Variants in CPS1 observed in about 807,000 individuals in gnomAD.
The protein encoded by CPS1 is carbamoyl-phosphate synthase 1, also known as carbamoyl-phosphate synthase [ammonia], mitochondrial.
In CPS1, 109 loss-of-function variants were observed where a neutral mutation model predicts 174.6. The ratio of observed to expected loss-of-function variants is 0.62; its 90% confidence interval spans 0.53 to 0.73. The LOEUF (loss-of-function observed/expected upper bound fraction) is 0.73, where lower values mean the gene tolerates loss of function less well. Ranked by LOEUF, CPS1 falls within the 30% of genes least tolerant of loss-of-function variation. CPS1 has a pLI of 0.00. For synonymous variants in CPS1, 637 were observed against 632.0 expected (o/e 1.01, Z -0.12); for missense variants, 1,689 against 1,821.9 (o/e 0.93, Z 1.33).
chr2:210,515,383 G>A (rs536915399), intron 1 of CPS1, among the ~76,000 whole-genome samples: 64 of 151,512 alleles, frequency 4.2e-4, no homozygotes, highest in Non-Finnish European at 8.1e-4. Flanking sequence ...TTTGGAACTT[G>A]ATATTGGTCT....
At chr2:210,615,105 G>A (rs1699261096) in intron 20 of CPS1, among the ~76,000 whole-genome samples, 1 of 151,788 alleles carries the variant, frequency 6.6e-6, no homozygotes, top group East Asian at 1.9e-4. Context: ...ATGACTACAG[G>A]ATTCTAGGCC....
intron 1 of CPS1, among the ~76,000 whole-genome samples, chr2:210,497,062 A>T (rs1490558967): frequency 2.0e-5 from 3 of 152,184 alleles, no homozygotes; most frequent in Admixed American, 1.3e-4. Context: ...TAAGCTCAGC[A>T]AACTTTGTGT....
intron 1 of CPS1, among the ~76,000 whole-genome samples, chr2:210,478,988 C>T (rs1574453470): frequency 7.0e-6 from 1 of 141,968 alleles, no homozygotes; most frequent in African/African-American, 2.6e-5. Flanking sequence ...TCCTTTTTGT[C>T]AGAGAACCAA....
intron 6 of CPS1, among the ~76,000 whole-genome samples, chr2:210,585,255 T>C (rs950890459): frequency 5.3e-5 from 8 of 152,002 alleles, no homozygotes; most frequent in African/African-American, 9.7e-5. Flanking sequence ...AGCCAGTAAA[T>C]GGTAGTTACA....
intron 32 of CPS1, 51 bp from the exon 33 acceptor site, chr2:210,663,072 T>C: frequency 1.3e-6 from 2 of 1,523,300 alleles, no homozygotes; most frequent in Non-Finnish European, 1.8e-6. Flanking sequence ...TTATTCATTT[T>C]CTACTTTTCC....
chr2:210,674,432 G>A lies in CPS1; in HGVS notation c.4102-470G>A, dbSNP rs1256966020. 2.0e-5 allele frequency: 3 copies of A among 153,060 alleles called. No individual in the cohort carries two copies. The East Asian group carries it at 5.2e-4, about 27-fold the overall frequency. 9.5% of individuals were successfully genotyped at this position (153,060 alleles called of 1,614,324 possible). A position where few individuals can be genotyped will look rare whatever the true frequency, so the allele number is the denominator to read the frequency against. The stretch of plus-strand genomic sequence containing the variant: ...TGCAGTGAGCCAAGATCGTGCCATT[G>A]CACTCCAGCCTGGGCAACAAGAGCA... On this transcript the variant is annotated intron_variant, in intron 34 of 37. Transcript: ENST00000233072.
chr2:210,479,980 T>C lies in CPS1; in HGVS notation c.3+2214T>C, dbSNP rs556973106. Among the ~76,000 whole-genome samples the C allele has an allele frequency of 5.9e-5, 9 of 152,326 alleles. No homozygotes were observed. In the South Asian group the frequency reaches 1.4e-3, roughly 25 times the overall value. On this transcript the variant is annotated intron_variant, in intron 1 of 38. Coordinates refer to the CPS1 transcript ENST00000430249. ...GCATTTTAGTTCCATTCTCAGACTT[T>C]AATTTCAAAATGTTATAATGTATAT...
upstream of CPS1, among the ~76,000 whole-genome samples, chr2:210,552,850 T>A (rs968389981): frequency 1.3e-5 from 2 of 152,022 alleles, no homozygotes; most frequent in Admixed American, 1.3e-4. Context: ...TAGTATCAAT[T>A]AAAAACATAC....
At chr2:210,566,187 T>C (rs931455086) in intron 1 of CPS1, among the ~76,000 whole-genome samples, 1 of 152,166 alleles carries the variant, frequency 6.6e-6, no homozygotes, top group African/African-American at 2.4e-5. Flanking sequence ...ACCTCACTCC[T>C]CACAGCAGGG....
intron 1 of CPS1, among the ~76,000 whole-genome samples, chr2:210,564,438 C>T (rs535925988): frequency 4.6e-5 from 7 of 151,816 alleles, no homozygotes; most frequent in Non-Finnish European, 7.4e-5. Context: ...TGCAGTGCTG[C>T]GATCTCGGCT....
chr2:210,567,763 A>G (rs1697351503), intron 1 of CPS1, among the ~76,000 whole-genome samples: 2 of 152,134 alleles, frequency 1.3e-5, no homozygotes, highest in Non-Finnish European at 2.9e-5. Context: ...TTGGGCAGCA[A>G]TTGCCACCCA....
chr2:210,648,605 G>T, intron 27 of CPS1, 65 bp downstream of exon 27: 3 of 1,220,920 alleles, frequency 2.5e-6, no homozygotes, highest in Non-Finnish European at 3.6e-6. Flanking sequence ...AATGCATGCT[G>T]TATGCTAATA....
intron 1 of CPS1, among the ~76,000 whole-genome samples, chr2:210,540,135 T>G (rs1196838680): frequency 2.0e-5 from 3 of 152,080 alleles, no homozygotes; most frequent in Non-Finnish European, 4.4e-5. Context: ...GTTAAAGCAG[T>G]TTAAGAATTT....
At position 210,595,511 on chromosome 2, in the gene CPS1, T is replaced by C; in HGVS notation, c.1288T>C (p.Ser430Pro). ...VEVSKVLILGSGGLSIGQAGE... is the reference protein window; with the variant it reads ...VEVSKVLILGPGGLSIGQAGE... ...GGTTTCCAAAGTCCTTATTCTAGGATCAGGAGGTCTGTCCATTGGTCAGGC... is the reference window on the plus strand; with the variant it reads ...GGTTTCCAAAGTCCTTATTCTAGGACCAGGAGGTCTGTCCATTGGTCAGGC... Residue 430 changes from serine (S) to proline (P), a missense_variant, in exon 13 of 38, where the codon TCA becomes CCA. Ser to Pro is a moderately conservative substitution (Grantham distance 74). Coordinates refer to ENST00000233072, the MANE Select transcript of CPS1 (RefSeq NM_001875.5). The C allele has an allele frequency of 6.2e-7, 1 of 1,611,416 alleles. No homozygotes were observed. The highest frequency in any genetic ancestry group is 8.5e-7 in the Non-Finnish European group (1 of 1,178,226).
chr2:210,639,919 T>A (rs1425387973), intron 23 of CPS1, 77 bp from the exon 24 acceptor site: 2 of 1,013,462 alleles, frequency 2.0e-6, no homozygotes. Context: ...ACATACTTAA[T>A]GATAGGACAA....
chr2:210,544,918 A>G lies in CPS1; in HGVS notation c.4-11801A>G, dbSNP rs75187529. Among the ~76,000 whole-genome samples the G allele has an allele frequency of 5.0e-3, 758 of 151,822 alleles. 5 individuals are homozygous for G. The highest frequency in any genetic ancestry group is 0.018 in the African/African-American group (725 of 41,424). On this transcript the variant is annotated intron_variant, in intron 1 of 38. Transcript: ENST00000430249. Reference sequence around the variant, plus strand: ...TAGTACATTTTTTTTTTCTCCTCATACTAATTCTAAGTCAGGTGGTCCAAC... The same window carrying G: ...TAGTACATTTTTTTTTTCTCCTCATGCTAATTCTAAGTCAGGTGGTCCAAC...
At chr2:210,603,222 G>A (rs1196453020) in intron 16 of CPS1, among the ~76,000 whole-genome samples, 1 of 151,804 alleles carries the variant, frequency 6.6e-6, no homozygotes, top group Non-Finnish European at 1.5e-5. Context: ...GCTATTTTGG[G>A]AATTATTTAG....
chr2:210,552,957 T>C (rs985562757), upstream of CPS1, among the ~76,000 whole-genome samples: 8 of 151,958 alleles, frequency 5.3e-5, no homozygotes, highest in Non-Finnish European at 1.2e-4. Flanking sequence ...TAATACATAA[T>C]GTTGGTGAGG....
chr2:210,656,548 A>G lies in CPS1; in HGVS notation c.3582A>G (p.Glu1194=). 6.2e-7 allele frequency: 1 copy of G among 1,611,438 alleles called. No individual in the cohort carries two copies. The highest frequency in any genetic ancestry group is 8.5e-7 in the Non-Finnish European group (1 of 1,179,476). The change falls in exon 30 of 38, where the codon GAA becomes GAG. Residue 1194 remains glutamate, a synonymous_variant. Coordinates refer to ENST00000233072, the MANE Select transcript of CPS1 (RefSeq NM_001875.5). Reference sequence around the variant, plus strand: ...AGGTTATCTCTCATGCCATCTCTGAACATGTTGAAGATGCAGGTGTCCACT... The same window carrying G: ...AGGTTATCTCTCATGCCATCTCTGAGCATGTTGAAGATGCAGGTGTCCACT... The part of the protein sequence containing the change: ...DGRVISHAIS[E]HVEDAGVHSG...
Sources: gnomAD v4.1 joint callset for allele counts (sites outside exome capture counted in the v4.1 genomes callset) on GRCh38, gnomAD v4.1.1 for gene constraint, MANE v1.5 for transcripts, NCBI Gene and HGNC (gene_info 2026-07-23, HGNC 2026-07-21) for gene names.